Variants in RTL4 observed in about 807,000 individuals in gnomAD.
The protein encoded by RTL4 is retrotransposon Gag-like protein 4.
A neutral mutation model predicts 5.3 loss-of-function variants in RTL4; 4 were observed. The observed-to-expected ratio is 0.75, with a 90% CI of 0.37 to 1.72. RTL4 has a LOEUF of 1.72. Ranked by LOEUF, RTL4 falls within the 40% of genes most tolerant of loss-of-function variation. The probability of loss-of-function intolerance (pLI) is 0.04; values close to 1 mark genes in which losing one functional copy is unlikely to be tolerated. For missense variants in RTL4, 260 were observed against 227.1 expected, an observed-to-expected ratio of 1.14 and a Z score of -0.93; for synonymous variants, 98 against 87.3, an observed-to-expected ratio of 1.12 and a Z score of -0.68.
the RTL4 span, among the ~76,000 whole-genome samples, chrX:112,137,037 C>T: frequency 4.5e-4 from 50 of 111,304 alleles, no homozygotes; most frequent in East Asian, 0.012. Flanking sequence ...AAATGCTCTG[C>T]ACAACAAAGG....
the RTL4 span, among the ~76,000 whole-genome samples, chrX:112,235,860 G>A: frequency 1.8e-5 from 2 of 111,299 alleles, no homozygotes; most frequent in African/African-American, 3.3e-5. Context: ...TGAGTATATT[G>A]GGAAATCTCA....
chrX:112,442,888 C>G, the RTL4 span, among the ~76,000 whole-genome samples: 2 of 111,939 alleles, frequency 1.8e-5, no homozygotes, highest in African/African-American at 6.5e-5. Flanking sequence ...TCCCCTCAAG[C>G]CTTTATCCTT....
At chrX:112,135,528 T>C in the RTL4 span, among the ~76,000 whole-genome samples, 1 of 111,442 alleles carries the variant, frequency 9.0e-6, no homozygotes, top group African/African-American at 3.2e-5. Context: ...AGTTGTAATT[T>C]TGATAAAGTC....
At chrX:112,324,049 A>G in the RTL4 span, among the ~76,000 whole-genome samples, 2 of 112,588 alleles carry the variant, frequency 1.8e-5, no homozygotes, top group Non-Finnish European at 3.7e-5. Flanking sequence ...GAATAGCTTT[A>G]TCACTCCACA....
chrX:112,227,045 G>A, the RTL4 span, among the ~76,000 whole-genome samples: 3 of 106,999 alleles, frequency 2.8e-5, no homozygotes, highest in African/African-American at 1.1e-4. Flanking sequence ...CGATAGTATA[G>A]CTTTCCCCAT....
At chrX:112,133,415 CTT>C in the RTL4 span, among the ~76,000 whole-genome samples, 1 of 111,739 alleles carries the variant, frequency 8.9e-6, no homozygotes, top group East Asian at 2.8e-4. Context: ...AATGAACAAA[CTT>C]TTCAGAGGAA....
the RTL4 span, among the ~76,000 whole-genome samples, chrX:112,282,624 A>G: frequency 8.9e-6 from 1 of 111,852 alleles, no homozygotes; most frequent in Admixed American, 9.5e-5. Flanking sequence ...CAATCCATGA[A>G]CATGGGATAT....
At chrX:112,390,547 T>C in the RTL4 span, among the ~76,000 whole-genome samples, 1 of 110,695 alleles carries the variant, frequency 9.0e-6, no homozygotes, top group South Asian at 3.9e-4. Context: ...TTCTCCTTCA[T>C]TTAGGAAGCT....
chrX:112,293,912 T>C, the RTL4 span, among the ~76,000 whole-genome samples: 1 of 111,666 alleles, frequency 9.0e-6, no homozygotes, highest in Non-Finnish European at 1.9e-5. Flanking sequence ...TCCTGCTCAA[T>C]TGGCTACTGT....
At chrX:112,142,470 T>C in the RTL4 span, among the ~76,000 whole-genome samples, 1 of 112,292 alleles carries the variant, frequency 8.9e-6, no homozygotes, top group East Asian at 2.8e-4. Flanking sequence ...CACTTATTAA[T>C]ATAGGTATCT....
chrX:112,343,782 G>A, the RTL4 span, among the ~76,000 whole-genome samples: 31 of 111,633 alleles, frequency 2.8e-4, no homozygotes, highest in East Asian at 1.4e-3. Flanking sequence ...GGTCAGAAGC[G>A]GGAGGAAACT....
At chrX:112,419,052 A>C in the RTL4 span, among the ~76,000 whole-genome samples, 1 of 72,036 alleles carries the variant, frequency 1.4e-5, no homozygotes. Context: ...ATATATATAT[A>C]TATCTTATAT....
At chrX:112,303,802 T>A in the RTL4 span, among the ~76,000 whole-genome samples, 1 of 109,605 alleles carries the variant, frequency 9.1e-6, no homozygotes. Flanking sequence ...AAAAAAAGAA[T>A]TTTAAAATAA....
the RTL4 span, among the ~76,000 whole-genome samples, chrX:112,420,575 G>A: frequency 9.0e-6 from 1 of 111,196 alleles, no homozygotes; most frequent in Non-Finnish European, 1.9e-5. Context: ...TTAGGTCCTG[G>A]GCCAATTTTA....
chrX:112,363,462 C>T, the RTL4 span, among the ~76,000 whole-genome samples: 16 of 110,590 alleles, frequency 1.4e-4, no homozygotes, highest in Admixed American at 1.1e-3. Context: ...GTATCACATC[C>T]GAGTCCATAG....
the RTL4 span, among the ~76,000 whole-genome samples, chrX:112,286,476 G>A: frequency 4.5e-5 from 5 of 111,464 alleles, no homozygotes; most frequent in Non-Finnish European, 7.5e-5. Context: ...CCATTGTGAT[G>A]AGAATAGACT....
chrX:112,396,996 G>C, the RTL4 span, among the ~76,000 whole-genome samples: 1 of 111,682 alleles, frequency 9.0e-6, no homozygotes, highest in African/African-American at 3.3e-5. Context: ...AGTTTACATT[G>C]ACTTACAATC....
chrX:112,311,396 C>G, the RTL4 span, among the ~76,000 whole-genome samples: 1 of 110,872 alleles, frequency 9.0e-6, no homozygotes, highest in African/African-American at 3.3e-5. Flanking sequence ...CAGACGGGTT[C>G]TAGAGAAACA....
At chrX:112,297,559 T>A in the RTL4 span, among the ~76,000 whole-genome samples, 5 of 111,309 alleles carry the variant, frequency 4.5e-5, no homozygotes, top group Non-Finnish European at 9.4e-5. Context: ...ACCATCCTCA[T>A]GATCCAATCA....
Sources: allele counts gnomAD v4.1 joint callset (sites outside exome capture counted in the v4.1 genomes callset), GRCh38; gene constraint gnomAD v4.1.1; transcripts MANE v1.5; gene names NCBI Gene and HGNC (gene_info 2026-07-23, HGNC 2026-07-21).